Variants in COG6 observed in about 807,000 individuals in gnomAD.
COG6 encodes component of oligomeric golgi complex 6.
Under a neutral mutation model 88.8 loss-of-function variants are expected in COG6, and 74 were observed. That is an observed-to-expected ratio of 0.83 (90% confidence interval 0.69 to 1.01). COG6 has a LOEUF of 1.01. COG6 is among the 50% of genes least tolerant of loss of function. The pLI is 0.00. For missense variants in COG6, 800 were observed against 797.9 expected, an observed-to-expected ratio of 1.00 and a Z score of -0.03; for synonymous variants, 286 against 278.7, an observed-to-expected ratio of 1.03 and a Z score of -0.26.
chr13:39,705,237 A>G (rs1282644358), intron 13 of COG6, among the ~76,000 whole-genome samples: 1 of 152,204 alleles, frequency 6.6e-6, no homozygotes, highest in East Asian at 1.9e-4. Flanking sequence ...AGGTATAGCC[A>G]GAGAGGAATT....
At position 39,656,163 on chromosome 13, in the gene COG6, G is replaced by T. The variant is rs940875380; in HGVS notation, c.153+284G>T. The T allele has an allele frequency of 3.4e-5, 20 of 583,642 alleles. No individual in the cohort carries two copies. In the Middle Eastern group the frequency reaches 7.9e-4, roughly 23 times the overall value. The allele number at this position is 583,642 out of a possible 1,614,324, so 36.2% of individuals were successfully genotyped here. On this transcript the variant is annotated intron_variant, in intron 1 of 18. Transcript: ENST00000455146. The stretch of plus-strand genomic sequence containing the variant: ...TGGGATTGGTGAACGGTGGTGCCTC[G>T]AGAAGTGTCCTCCAAACACCCCTGG...
intron 13 of COG6, among the ~76,000 whole-genome samples, chr13:39,706,183 TACAC>T (rs1009356736): frequency 1.1e-3 from 144 of 135,876 alleles, no homozygotes; most frequent in African/African-American, 3.6e-3. Flanking sequence ...TATATGTATA[TACAC>T]ACACACTTCT....
intron 5 of COG6, 195 bp from the exon 6 acceptor site, chr13:39,679,343 T>C (rs1359318227): frequency 6.9e-6 from 4 of 575,946 alleles, no homozygotes; most frequent in African/African-American, 3.8e-5. Context: ...TGAATTAATA[T>C]ATTAATATGT....
chr13:39,750,569 G>A (rs1880567810), intron 18 of COG6, among the ~76,000 whole-genome samples: 2 of 152,124 alleles, frequency 1.3e-5, no homozygotes, highest in South Asian at 4.1e-4. Context: ...ACAATTGTAA[G>A]CATCTTTCTT....
intron 18 of COG6, among the ~76,000 whole-genome samples, chr13:39,735,815 G>A (rs766799983): frequency 6.7e-6 from 1 of 148,156 alleles, no homozygotes; most frequent in Non-Finnish European, 1.5e-5. Flanking sequence ...TTTTCCTTCA[G>A]CACTTTAAAT....
intron 13 of COG6, among the ~76,000 whole-genome samples, chr13:39,705,731 T>C (rs1052504919): frequency 6.6e-5 from 10 of 152,152 alleles, no homozygotes; most frequent in African/African-American, 2.4e-4. Context: ...TTGAATCTCT[T>C]TTTACTACTC....
At chr13:39,724,776 T>C (rs1364079579) in intron 17 of COG6, among the ~76,000 whole-genome samples, 1 of 151,916 alleles carries the variant, frequency 6.6e-6, no homozygotes, top group Admixed American at 6.6e-5. Context: ...TATGCTCTGA[T>C]AGTCTCATCA....
chr13:39,751,999 C>T lies in COG6; in HGVS notation c.*906C>T. On this transcript the variant is annotated 3_prime_UTR_variant, in exon 19 of 19. Transcript: ENST00000455146. ...CTCAAACATTGGAGAAAAAAACTGCCAGAGGAGGAGTTGCCAATTGGCAGT... is the reference window on the plus strand; with the variant it reads ...CTCAAACATTGGAGAAAAAAACTGCTAGAGGAGGAGTTGCCAATTGGCAGT... The T allele has an allele frequency of 8.0e-7, 1 of 1,250,268 alleles. No individual in the cohort carries two copies. Among genetic ancestry groups the T allele is most frequent in the Non-Finnish European group, 1.0e-6 (1 of 955,120 alleles). 77.4% of individuals were successfully genotyped at this position (1,250,268 alleles called of 1,614,324 possible).
intron 13 of COG6, among the ~76,000 whole-genome samples, chr13:39,716,130 T>G (rs1025401411): frequency 6.6e-6 from 1 of 152,022 alleles, no homozygotes; most frequent in Non-Finnish European, 1.5e-5. Flanking sequence ...ATATTTTCCT[T>G]CAATTTTGTA....
chr13:39,697,285 T>C (rs1877328091), intron 12 of COG6, among the ~76,000 whole-genome samples: 2 of 151,516 alleles, frequency 1.3e-5, no homozygotes, highest in Non-Finnish European at 2.9e-5. Flanking sequence ...TAAAGAATGG[T>C]TGCTAAGGAC....
downstream of COG6, among the ~76,000 whole-genome samples, chr13:39,754,637 G>A (rs1880774447): frequency 6.6e-6 from 1 of 152,170 alleles, no homozygotes; most frequent in Admixed American, 6.5e-5. Context: ...CTGGGCTAAA[G>A]TTAGAACTCA....
intron 13 of COG6, among the ~76,000 whole-genome samples, chr13:39,711,130 C>T (rs982890487): frequency 5.3e-5 from 8 of 151,736 alleles, no homozygotes; most frequent in Admixed American, 3.9e-4. Context: ...TAAGAATCAC[C>T]GGTTTGAAAA....
chr13:39,764,101 T>G (rs1881099270), intron 18 of COG6, among the ~76,000 whole-genome samples: 1 of 151,884 alleles, frequency 6.6e-6, no homozygotes, highest in African/African-American at 2.4e-5. Context: ...ACTGTTTGGT[T>G]GTTCTATTTC....
At chr13:39,675,393 G>A (rs976355357) in intron 4 of COG6, among the ~76,000 whole-genome samples, 1 of 152,054 alleles carries the variant, frequency 6.6e-6, no homozygotes, top group East Asian at 1.9e-4. Flanking sequence ...CTGTCAGAAT[G>A]GTTGTGAAAA....
Position 39,719,336 on chromosome 13 carries a change from C to A in COG6, c.1385C>A (p.Pro462Gln). ...GCATCTCACGATTCTTCAGTTGTAC[C>A]ATTAGATGCTCGTCAAGCTGATTTT... ...VLASHDSSVV[P>Q]LDARQADFVQ... Residue 462 changes from proline (P) to glutamine (Q), a missense_variant, in exon 14 of 19, where the codon CCA becomes CAA. By Grantham distance (76) the Pro-to-Gln change is moderately conservative. Transcript: ENST00000455146. 1.2e-6 allele frequency: 2 copies of A among 1,612,558 alleles called. No individual in the cohort carries two copies. The highest frequency in any genetic ancestry group is 2.2e-5 in the South Asian group (2 of 91,042).
At chr13:39,767,040 G>A (rs530756840) in intron 18 of COG6, among the ~76,000 whole-genome samples, 135 of 152,268 alleles carry the variant, frequency 8.9e-4, no homozygotes, top group Non-Finnish European at 1.7e-3. Context: ...GGTATGATCA[G>A]TGTTTTGTGT....
chr13:39,738,814 T>C (rs1879899896), intron 18 of COG6, among the ~76,000 whole-genome samples: 1 of 152,120 alleles, frequency 6.6e-6, no homozygotes, highest in South Asian at 2.1e-4. Flanking sequence ...CATTTTATAA[T>C]AGGATTAATA....
Position 39,751,591 on chromosome 13 carries a change from CT to C in COG6, c.*500del. 7.8e-7 allele frequency: 1 copy of C among 1,287,138 alleles called. No homozygotes were observed. Among genetic ancestry groups the C allele is most frequent in the Non-Finnish European group, 1.0e-6 (1 of 988,686 alleles). 79.7% of individuals were successfully genotyped at this position (1,287,138 alleles called of 1,614,324 possible). ...TGTCTCTGTCCCCAAAATAGCTGCCCTTAAAGAGTTGTTAGCAGAGAGAAAA... is the reference window on the plus strand; with the variant it reads ...TGTCTCTGTCCCCAAAATAGCTGCCCTAAAGAGTTGTTAGCAGAGAGAAAA... On this transcript the variant is annotated 3_prime_UTR_variant, in exon 19 of 19. Coordinates refer to ENST00000455146, the MANE Select transcript of COG6 (RefSeq NM_020751.3).
Position 39,752,397 on chromosome 13 carries a change from A to G in COG6, c.*1304A>G, listed in dbSNP as rs1213960401. 2 of 1,008,354 alleles carry G rather than the reference A, an allele frequency of 2.0e-6. No individual in the cohort carries two copies. Among genetic ancestry groups the G allele is most frequent in the Non-Finnish European group, 2.6e-6 (2 of 755,082 alleles). 62.5% of individuals were successfully genotyped at this position (1,008,354 alleles called of 1,614,324 possible). On this transcript the variant is annotated 3_prime_UTR_variant, in exon 19 of 19. Transcript: ENST00000455146. ...TTCTTTTTGGAGTAAGAATGATTAT[A>G]TAATCGTTATCCATTTGGGTATAAA... is the stretch of plus-strand genomic sequence containing the variant.
Sources: gnomAD v4.1 joint callset for allele counts (sites outside exome capture counted in the v4.1 genomes callset) on GRCh38, gnomAD v4.1.1 for gene constraint, MANE v1.5 for transcripts, NCBI Gene and HGNC (gene_info 2026-07-23, HGNC 2026-07-21) for gene names.